Variants in ATG14 observed in about 807,000 individuals in gnomAD.
ATG14 encodes the protein beclin 1-associated autophagy-related key regulator.
Under a neutral mutation model 60.4 loss-of-function variants are expected in ATG14, and 35 were observed. That is an observed-to-expected ratio of 0.58 (90% CI 0.44 to 0.77). ATG14 has a LOEUF of 0.77. ATG14 is among the 30% of genes least tolerant of loss of function. The pLI, the probability that ATG14 is intolerant of heterozygous loss-of-function variation, is 0.00. For synonymous variants in ATG14, 234 were observed against 228.8 expected (o/e 1.02, Z -0.21); for missense variants, 647 against 626.3 (o/e 1.03, Z -0.35).
intron 1 of ATG14, among the ~76,000 whole-genome samples, chr14:55,403,125 C>G (rs1885437368): frequency 6.7e-6 from 1 of 150,316 alleles, no homozygotes; most frequent in Non-Finnish European, 1.5e-5. Flanking sequence ...TCTCTCAAAA[C>G]ATAAAATAGA....
At chr14:55,372,690 C>G (rs573524828) in intron 9 of ATG14, among the ~76,000 whole-genome samples, 4 of 151,904 alleles carry the variant, frequency 2.6e-5, no homozygotes, top group Admixed American at 2.6e-4. Context: ...CCCTTCCTTC[C>G]TTCCTTCCTT....
chr14:55,409,310 A>G (rs10151035), intron 1 of ATG14, among the ~76,000 whole-genome samples: 7,634 of 152,304 alleles, frequency 0.05, 455 homozygotes, highest in East Asian at 0.28. Context: ...GGACAGAGTC[A>G]GTTCAATCAT....
intron 9 of ATG14, among the ~76,000 whole-genome samples, chr14:55,375,983 G>A (rs1015556433): frequency 2.6e-5 from 4 of 152,084 alleles, no homozygotes; most frequent in Non-Finnish European, 5.9e-5. Context: ...ATTATTAATG[G>A]GAACTGCATT....
chr14:55,374,085 C>T (rs1297415111), intron 9 of ATG14, among the ~76,000 whole-genome samples: 1 of 152,252 alleles, frequency 6.6e-6, no homozygotes, highest in South Asian at 2.1e-4. Context: ...AAATTCACCT[C>T]CAGTATGAGT....
At chr14:55,399,267 TA>T in intron 1 of ATG14, among the ~76,000 whole-genome samples, 1 of 152,366 alleles carries the variant, frequency 6.6e-6, no homozygotes, top group East Asian at 1.9e-4. Flanking sequence ...TATTTAAATT[TA>T]AATTAATTAA....
intron 4 of ATG14, 30 bp from the exon 5 acceptor site, chr14:55,386,126 ATC>A: frequency 1.3e-6 from 2 of 1,571,430 alleles, no homozygotes; most frequent in Non-Finnish European, 1.7e-6. Context: ...CCCAACAATT[ATC>A]TCTGCAAACA....
chr14:55,400,667 C>T (rs1885382518), intron 1 of ATG14, among the ~76,000 whole-genome samples: 2 of 152,150 alleles, frequency 1.3e-5, no homozygotes, highest in Non-Finnish European at 2.9e-5. Context: ...CTTTGGGAGG[C>T]CAAGGCGGGT....
chr14:55,386,222 T>C (rs1885123875), intron 4 of ATG14, 126 bp from the exon 5 acceptor site: 1 of 748,930 alleles, frequency 1.3e-6, no homozygotes, highest in African/African-American at 1.8e-5. Context: ...CTGAATAATA[T>C]AATGTTCACT....
At chr14:55,407,535 G>C (rs1409691366) in intron 1 of ATG14, among the ~76,000 whole-genome samples, 2 of 152,214 alleles carry the variant, frequency 1.3e-5, no homozygotes, top group African/African-American at 4.8e-5. Flanking sequence ...AAAGTGCTGG[G>C]ATTACAGGCA....
intron 3 of ATG14, among the ~76,000 whole-genome samples, chr14:55,394,645 T>C (rs991539602): frequency 2.6e-5 from 4 of 152,126 alleles, no homozygotes; most frequent in Admixed American, 2.6e-4. Flanking sequence ...ACCAAAGAGC[T>C]CACAGAGTGC....
intron 3 of ATG14, among the ~76,000 whole-genome samples, chr14:55,395,515 G>C (rs1885299516): frequency 6.6e-6 from 1 of 152,164 alleles, no homozygotes; most frequent in Admixed American, 6.5e-5. Context: ...CTTGCACCTG[G>C]CCGGAAGTTT....
chr14:55,369,999 A>G, intron 9 of ATG14, 74 bp from the exon 10 acceptor site: 1 of 1,452,510 alleles, frequency 6.9e-7, no homozygotes, highest in South Asian at 1.4e-5. Context: ...ATCTTCCTGA[A>G]GGCCCTCACC....
intron 1 of ATG14, among the ~76,000 whole-genome samples, chr14:55,404,416 A>C (rs1885456927): frequency 1.3e-5 from 2 of 152,226 alleles, no homozygotes; most frequent in Non-Finnish European, 2.9e-5. Flanking sequence ...CTGCTCTGCC[A>C]TGCGCAAGTA....
chr14:55,380,694 CAGTAAG>C lies in ATG14; in HGVS notation c.878-10_878-5del. 1 of 1,584,144 alleles carries C rather than the reference CAGTAAG, an allele frequency of 6.3e-7. No homozygotes were observed. The highest frequency in any genetic ancestry group is 8.6e-7 in the Non-Finnish European group (1 of 1,164,044). On this transcript the variant is annotated splice_region_variant and splice_polypyrimidine_tract_variant and intron_variant, in intron 6 of 9. Transcript: ENST00000247178. ...GCAGGGTTACTCTGCTCCATGTCTGCAGTAAGAAAACAACCACCATGTACAAAACCT... is the reference window on the plus strand; with the variant it reads ...GCAGGGTTACTCTGCTCCATGTCTGCAAAACAACCACCATGTACAAAACCT...
intron 6 of ATG14, among the ~76,000 whole-genome samples, chr14:55,381,280 A>T (rs1885029178): frequency 1.3e-5 from 2 of 152,254 alleles, no homozygotes; most frequent in African/African-American, 4.8e-5. Context: ...GACGAAATGA[A>T]CAAAGAATCT....
intron 1 of ATG14, among the ~76,000 whole-genome samples, chr14:55,404,590 G>A (rs1285983666): frequency 6.6e-6 from 1 of 152,114 alleles, no homozygotes; most frequent in Non-Finnish European, 1.5e-5. Context: ...ATTATGACAG[G>A]CCTTGAAAAT....
At chr14:55,381,439 C>A (rs184640292) in intron 6 of ATG14, among the ~76,000 whole-genome samples, 1 of 152,140 alleles carries the variant, frequency 6.6e-6, no homozygotes, top group Non-Finnish European at 1.5e-5. Flanking sequence ...TAAATAACGT[C>A]CTCTTACATA....
At position 55,382,033 on chromosome 14, in the gene ATG14, C is replaced by T; in HGVS notation, c.806G>A (p.Ser269Asn). 1 of 1,614,182 alleles carries T rather than the reference C, an allele frequency of 6.2e-7. No homozygotes were observed. Among genetic ancestry groups the T allele is most frequent in the Non-Finnish European group, 8.5e-7 (1 of 1,180,018 alleles). Residue 269 changes from serine to asparagine, a missense_variant, in exon 6 of 10, where the codon AGC becomes AAC. Physicochemically the swap from Ser to Asn is conservative, Grantham distance 46 (BLOSUM62 1). Coordinates refer to ENST00000247178, the MANE Select transcript of ATG14 (RefSeq NM_014924.5). ...AGAGTAGTCCCCATTGTTAGGGAGG[C>T]TAATCCAAGGCCCTGTAATGCTAAT... is the stretch of plus-strand genomic sequence containing the variant. ...TSISITGPWI[S>N]LPNNGDYSAY...
At chr14:55,410,901 TC>T (rs1010550449) in intron 1 of ATG14, among the ~76,000 whole-genome samples, 4 of 147,918 alleles carry the variant, frequency 2.7e-5, no homozygotes, top group Non-Finnish European at 6.0e-5. Context: ...TTTTCAATTT[TC>T]TTAACCAAGA....
Sources: allele counts gnomAD v4.1 joint callset (sites outside exome capture counted in the v4.1 genomes callset), GRCh38; gene constraint gnomAD v4.1.1; transcripts MANE v1.5; gene names NCBI Gene and HGNC (gene_info 2026-07-23, HGNC 2026-07-21).